Variants in CRHBP observed in about 807,000 individuals in gnomAD.
CRHBP encodes corticotropin-releasing hormone-binding protein.
In CRHBP, 19 loss-of-function variants were observed where a neutral mutation model predicts 34.9. The observed-to-expected ratio is 0.55, with a 90% CI of 0.38 to 0.80. The LOEUF (loss-of-function observed/expected upper bound fraction) is 0.80. CRHBP is among the 30% of genes least tolerant of loss of function. CRHBP has a pLI of 0.00. For missense variants in CRHBP, 328 were observed against 409.2 expected (o/e 0.80, Z 1.71); for synonymous variants, 154 against 153.4 (o/e 1.00, Z -0.03).
chr5:76,977,446 A>AATT (rs1036588339), intron 3 of CRHBP, among the ~76,000 whole-genome samples: 1 of 152,168 alleles, frequency 6.6e-6, no homozygotes, highest in African/African-American at 2.4e-5. Flanking sequence ...TAATTCTCAT[A>AATT]ATATTTCAAG....
Position 76,958,798 on chromosome 5 carries a change from A to G in CRHBP, c.602A>G (p.Gln201Arg). Residue 201 changes from glutamine (Q) to arginine (R), a missense_variant, in exon 5 of 7, where the codon CAG (glutamine) becomes CGG (arginine). Gln to Arg is a conservative substitution (Grantham distance 43). Transcript: ENST00000274368. ...AAGTTTACCCTGGTAGTTCCACACC[A>G]GCATCGAAACTGCAGCTTCTCCATA... is the stretch of plus-strand genomic sequence containing the variant. ...NGKFTLVVPHQHRNCSFSIIY... is the reference protein window; with the variant it reads ...NGKFTLVVPHRHRNCSFSIIY... 1.2e-6 allele frequency: 2 copies of G among 1,614,082 alleles called. No homozygotes were observed. Among genetic ancestry groups the G allele is most frequent in the South Asian group, 2.2e-5 (2 of 91,042 alleles).
rs779795657 is a variant in CRHBP at position 76,953,120 on chromosome 5, A to T, written c.-15A>T. The T allele has an allele frequency of 5.0e-6, 8 of 1,613,994 alleles. No homozygotes were observed. In the South Asian group the frequency reaches 5.5e-5, roughly 11 times the overall value. On this transcript the variant is annotated 5_prime_UTR_variant, in exon 1 of 7. Coordinates refer to ENST00000274368, the MANE Select transcript of CRHBP (RefSeq NM_001882.4). Reference sequence around the variant, plus strand: ...CTCCGGAGCAGAGCACAGCAGCTGCAGAGGCAAGGCCAGCATGTCGCCCAA... The same window carrying T: ...CTCCGGAGCAGAGCACAGCAGCTGCTGAGGCAAGGCCAGCATGTCGCCCAA...
intron 6 of CRHBP, among the ~76,000 whole-genome samples, chr5:76,965,862 A>G (rs1745852628): frequency 6.6e-6 from 1 of 152,202 alleles, no homozygotes; most frequent in Non-Finnish European, 1.5e-5. Context: ...TGAACAAAGA[A>G]TTGGACAAAA....
chr5:76,974,312 C>T (rs113542582), downstream of CRHBP, among the ~76,000 whole-genome samples: 2,781 of 151,392 alleles, frequency 0.018, 83 homozygotes, highest in African/African-American at 0.063. Flanking sequence ...CCACGGTGCC[C>T]GGCCAAATTT....
At chr5:76,953,817 T>A in intron 2 of CRHBP, 123 bp downstream of exon 2, 1 of 1,207,772 alleles carries the variant, frequency 8.3e-7, no homozygotes, top group Non-Finnish European at 1.1e-6. Context: ...AGGGGCGCGG[T>A]CCCCTTAGCT....
intron 6 of CRHBP, among the ~76,000 whole-genome samples, chr5:76,968,204 GTT>G (rs34392609): frequency 3.5e-4 from 47 of 132,402 alleles, no homozygotes; most frequent in African/African-American, 6.6e-4. Context: ...GTTTTTTTTT[GTT>G]TTTTTTTTTT....
At position 76,963,323 on chromosome 5, in the gene CRHBP, C is replaced by T; in HGVS notation, c.694-20C>T. Reference sequence around the variant, plus strand: ...GTAATTGGTTTAAATGTGTCTTTCTCTGCTGCTTTATTCCCTTAGAAATCC... The same window carrying T: ...GTAATTGGTTTAAATGTGTCTTTCTTTGCTGCTTTATTCCCTTAGAAATCC... On this transcript the variant is annotated intron_variant, in intron 5 of 6. Coordinates refer to ENST00000274368, the MANE Select transcript of CRHBP (RefSeq NM_001882.4). The T allele has an allele frequency of 6.2e-7, 1 of 1,605,890 alleles. No homozygotes were observed. Among genetic ancestry groups the T allele is most frequent in the Non-Finnish European group, 8.5e-7 (1 of 1,172,618 alleles).
In CRHBP at chr5:76,968,946, T is replaced by C; in HGVS notation, c.*61T>C. ...GTGAGTTTTTAATGGCCATTGTGTA[T>C]GATTTTGATGCACAACTAGTTAAAA... On this transcript the variant is annotated 3_prime_UTR_variant, in exon 7 of 7. Transcript: ENST00000274368. 1 of 1,570,378 alleles carries C rather than the reference T, an allele frequency of 6.4e-7. No homozygotes were observed. The highest frequency in any genetic ancestry group is 8.7e-7 in the Non-Finnish European group (1 of 1,152,298).
intron 5 of CRHBP, among the ~76,000 whole-genome samples, chr5:76,960,772 G>T (rs61535857): frequency 6.7e-6 from 1 of 148,212 alleles, no homozygotes; most frequent in African/African-American, 2.5e-5. Context: ...TTTGTTTTTT[G>T]TTTTTTTTTT....
chr5:76,967,931 T>A (rs1415073630), intron 6 of CRHBP, among the ~76,000 whole-genome samples: 1 of 152,076 alleles, frequency 6.6e-6, no homozygotes, highest in Non-Finnish European at 1.5e-5. Flanking sequence ...ACTCCTGACC[T>A]CGTGATCCAC....
In CRHBP at chr5:76,953,682, C is replaced by G. The variant is rs1378682406; in HGVS notation, c.163C>G (p.Arg55Gly). The G allele has an allele frequency of 6.2e-7, 1 of 1,609,140 alleles. No homozygotes were observed. Among genetic ancestry groups the G allele is most frequent in the Non-Finnish European group, 8.5e-7 (1 of 1,177,964 alleles). Residue 55 changes from arginine (R) to glycine (G), a missense_variant, in exon 2 of 7, where the codon CGC becomes GGC. By Grantham distance (125) the Arg-to-Gly change is moderately radical. Coordinates refer to ENST00000274368, the MANE Select transcript of CRHBP (RefSeq NM_001882.4). Reference sequence around the variant, plus strand: ...GGAGCTGGCTGGGGAGCAGCCGTACCGCCGCGCTCTGCGTGAGTCGAGGCT... The same window carrying G: ...GGAGCTGGCTGGGGAGCAGCCGTACGGCCGCGCTCTGCGTGAGTCGAGGCT... ...KRELAGEQPY[R>G]RALRCLDMLS... is the part of the protein sequence containing the mutation.
intron 6 of CRHBP, among the ~76,000 whole-genome samples, chr5:76,964,187 G>T (rs563505025): frequency 7.9e-5 from 12 of 152,102 alleles, no homozygotes; most frequent in Admixed American, 5.2e-4. Context: ...TCGGGGAGGT[G>T]GGGGAGAGGA....
intron 4 of CRHBP, 186 bp from the exon 5 acceptor site, chr5:76,958,555 C>T: frequency 1.7e-6 from 1 of 574,592 alleles, no homozygotes; most frequent in Non-Finnish European, 3.0e-6. Flanking sequence ...ATCCACGTGT[C>T]ACTGATGGTT....
In CRHBP at chr5:76,969,015, G is replaced by GCACACA. The variant is rs146359925; in HGVS notation, c.*141_*146dup. The GCACACA allele has an allele frequency of 3.5e-6, 3 of 860,730 alleles. No individual in the cohort carries two copies. The highest frequency in any genetic ancestry group is 2.8e-5 in the East Asian group (1 of 36,158). The allele number at this position is 860,730 out of a possible 1,614,324, so 53.3% of individuals were successfully genotyped here. ...TATTCCCAGCCTTGAGCGCACGCGC[G>GCACACA]CACACACACACACACATACACACAC... On this transcript the variant is annotated 3_prime_UTR_variant, in exon 7 of 7. Transcript: ENST00000274368.
downstream of CRHBP, among the ~76,000 whole-genome samples, chr5:76,971,389 G>GT (rs759951374): frequency 3.2e-4 from 49 of 152,316 alleles, no homozygotes; most frequent in Admixed American, 2.1e-3. Flanking sequence ...TGTGTTGGCT[G>GT]TTATTTTTAT....
At chr5:76,963,088 G>A in intron 5 of CRHBP, 1 of 393,340 alleles carries the variant, frequency 2.5e-6, no homozygotes, top group Non-Finnish European at 4.6e-6. Context: ...CAGTCCTTGA[G>A]CTTAAAAAAA....
intron 2 of CRHBP, among the ~76,000 whole-genome samples, chr5:76,975,845 T>TATATATATATATATATATAC (rs1237085128): frequency 2.5e-4 from 24 of 97,620 alleles, no homozygotes; most frequent in South Asian, 6.5e-4. Context: ...TATATATATA[T>TATATATATATATATATATAC]ACACGCATAT....
chr5:76,956,291 C>A (rs572563063), intron 4 of CRHBP, among the ~76,000 whole-genome samples: 1 of 152,080 alleles, frequency 6.6e-6, no homozygotes, highest in Non-Finnish European at 1.5e-5. Context: ...TGTGGTAGAC[C>A]GATGTCATGC....
chr5:76,968,213 T>G (rs986598876), intron 6 of CRHBP, among the ~76,000 whole-genome samples: 3 of 151,530 alleles, frequency 2.0e-5, no homozygotes, highest in Admixed American at 6.6e-5. Flanking sequence ...TGTTTTTTTT[T>G]TTTTTGGTCT....
Sources: gnomAD v4.1 joint callset for allele counts (sites outside exome capture counted in the v4.1 genomes callset) on GRCh38, gnomAD v4.1.1 for gene constraint, MANE v1.5 for transcripts, NCBI Gene and HGNC (gene_info 2026-07-23, HGNC 2026-07-21) for gene names.